Variants in TOGARAM2 observed in about 807,000 individuals in gnomAD.
The protein encoded by TOGARAM2 is TOG array regulator of axonemal microtubules 2, also known as TOG array regulator of axonemal microtubules protein 2.
A neutral mutation model predicts 93.3 loss-of-function variants in TOGARAM2; 85 were observed. That is an observed-to-expected ratio of 0.91 (90% CI 0.76 to 1.09). The LOEUF (loss-of-function observed/expected upper bound fraction) is 1.09. Among genes scored for constraint, TOGARAM2 ranks in the 50% least tolerant of loss-of-function variants. The pLI, the probability that TOGARAM2 is intolerant of heterozygous loss-of-function variation, is 0.00. For missense variants in TOGARAM2, 1,277 were observed against 1,334.5 expected (o/e 0.96, Z 0.67); for synonymous variants, 593 against 552.8 (o/e 1.07, Z -1.02).
chr2:28,997,589 C>T (rs375203761), intron 2 of TOGARAM2, among the ~76,000 whole-genome samples: 2 of 152,092 alleles, frequency 1.3e-5, no homozygotes, highest in Non-Finnish European at 2.9e-5. Context: ...AGCCGAGGGA[C>T]GTTAGGAGAG....
At chr2:28,964,830 T>A (rs1312144537) in intron 1 of TOGARAM2, among the ~76,000 whole-genome samples, 1 of 152,224 alleles carries the variant, frequency 6.6e-6, no homozygotes, top group East Asian at 1.9e-4. Flanking sequence ...CATTCCTTTT[T>A]ATGGCTGCAT....
intron 4 of TOGARAM2, among the ~76,000 whole-genome samples, chr2:29,001,376 T>C (rs1433660876): frequency 6.6e-6 from 1 of 151,904 alleles, no homozygotes; most frequent in Non-Finnish European, 1.5e-5. Context: ...AGAGTCTCGC[T>C]CTGTCACCCA....
intron 1 of TOGARAM2, among the ~76,000 whole-genome samples, chr2:28,993,270 G>C (rs1257045260): frequency 6.6e-6 from 1 of 152,150 alleles, no homozygotes; most frequent in Non-Finnish European, 1.5e-5. Flanking sequence ...TGTATCCTCT[G>C]GTTAGAGATA....
At chr2:29,033,970 T>A (rs1286093961) in intron 16 of TOGARAM2, among the ~76,000 whole-genome samples, 1 of 152,022 alleles carries the variant, frequency 6.6e-6, no homozygotes, top group Non-Finnish European at 1.5e-5. Context: ...AGACATGGAC[T>A]GAGGGGCTGG....
chr2:29,011,070 C>T (rs1201567150), intron 6 of TOGARAM2, among the ~76,000 whole-genome samples: 1 of 152,194 alleles, frequency 6.6e-6, no homozygotes. Flanking sequence ...GAGCTCAGTG[C>T]TGTCTAAGCT....
chr2:28,973,969 T>G (rs1671990658), intron 1 of TOGARAM2, among the ~76,000 whole-genome samples: 1 of 152,180 alleles, frequency 6.6e-6, no homozygotes, highest in Non-Finnish European at 1.5e-5. Flanking sequence ...TTTCAATATT[T>G]GAAAAATCTG....
chr2:29,030,045 A>T (rs1665671034), intron 14 of TOGARAM2, among the ~76,000 whole-genome samples: 1 of 152,232 alleles, frequency 6.6e-6, no homozygotes, highest in Non-Finnish European at 1.5e-5. Flanking sequence ...AACCCAAGGC[A>T]GGTGGATCTC....
chr2:29,001,895 A>G (rs1673323494), intron 4 of TOGARAM2, among the ~76,000 whole-genome samples: 1 of 151,888 alleles, frequency 6.6e-6, no homozygotes, highest in Non-Finnish European at 1.5e-5. Flanking sequence ...ATATTTACAA[A>G]GATAACCCTG....
intron 1 of TOGARAM2, among the ~76,000 whole-genome samples, chr2:28,960,068 C>T (rs1195206406): frequency 6.6e-6 from 1 of 152,172 alleles, no homozygotes; most frequent in Non-Finnish European, 1.5e-5. Flanking sequence ...AAGTAATACG[C>T]TATTGTATTA....
At chr2:29,037,458 A>G (rs1289042422) in intron 18 of TOGARAM2, among the ~76,000 whole-genome samples, 1 of 152,176 alleles carries the variant, frequency 6.6e-6, no homozygotes, top group Non-Finnish European at 1.5e-5. Flanking sequence ...TCTGAAAACC[A>G]CCTGTGTTTG....
chr2:29,009,386 G>C (rs1007192217), intron 6 of TOGARAM2, among the ~76,000 whole-genome samples: 1 of 152,184 alleles, frequency 6.6e-6, no homozygotes, highest in African/African-American at 2.4e-5. Context: ...GGCATCTGCT[G>C]TGACTTAGAA....
intron 19 of TOGARAM2, chr2:29,050,437 G>A (rs907107796): frequency 1.3e-5 from 2 of 152,178 alleles, no homozygotes; most frequent in African/African-American, 2.4e-5. Flanking sequence ...GACAGCATGC[G>A]GTAGAAAGAG....
Position 29,012,176 on chromosome 2 carries a change from G to C in TOGARAM2, c.877+675G>C, listed in dbSNP as rs531891925. 1.1e-4 allele frequency among the ~76,000 whole-genome samples: 17 copies of C among 152,306 alleles called. No individual in the cohort carries two copies. The South Asian group carries it at 1.2e-3, about 11-fold the overall frequency. On this transcript the variant is annotated intron_variant, in intron 7 of 19. Coordinates refer to ENST00000379558, the MANE Select transcript of TOGARAM2 (RefSeq NM_199280.4). The stretch of plus-strand genomic sequence containing the variant: ...GGTGGATGGAAGCTGAGCCTCTGCT[G>C]CAGGGTTGGGGAGCAGAACACCCCG...
rs746258375 is a variant in TOGARAM2, at chr2:29,022,246, G to A, written c.1449G>A (p.Arg483=). The change falls in exon 11 of 20, where the codon AGG becomes AGA. Residue 483 remains arginine (R), a synonymous_variant. Coordinates refer to ENST00000379558, the MANE Select transcript of TOGARAM2 (RefSeq NM_199280.4). ...ATCTTAGAGCCTGTAAGGAGTTGAGGCCTTTCTCGAACCCGGAGCTGGGGC... is the reference window on the plus strand; with the variant it reads ...ATCTTAGAGCCTGTAAGGAGTTGAGACCTTTCTCGAACCCGGAGCTGGGGC... ...EMDLRACKEL[R]PFSNPELGLR... is the part of the protein sequence containing the mutation. 4 of 1,614,038 alleles carry A rather than the reference G, an allele frequency of 2.5e-6. No homozygotes were observed. The South Asian group carries it at 4.4e-5, about 18-fold the overall frequency.
At chr2:29,024,535 G>A (rs2148351551) in intron 13 of TOGARAM2, among the ~76,000 whole-genome samples, 161 bp downstream of exon 13, 1 of 152,266 alleles carries the variant, frequency 6.6e-6, no homozygotes, top group East Asian at 1.9e-4. Flanking sequence ...AGAGGACAGG[G>A]TGATGGGTCA....
At chr2:28,966,445 A>C (rs367943721) in intron 1 of TOGARAM2, among the ~76,000 whole-genome samples, 5 of 151,444 alleles carry the variant, frequency 3.3e-5, no homozygotes, top group South Asian at 2.1e-4. Flanking sequence ...CTACAGGCGC[A>C]CACCACCATG....
At chr2:28,988,132 G>C (rs958959023) in intron 1 of TOGARAM2, among the ~76,000 whole-genome samples, 5 of 152,188 alleles carry the variant, frequency 3.3e-5, no homozygotes, top group Admixed American at 6.5e-5. Context: ...TGGGCTCTAC[G>C]GTAGGCTTGG....
At position 28,981,458 on chromosome 2, in the gene TOGARAM2, G is replaced by A. The variant is rs1308560107; in HGVS notation, c.-191G>A. 1 of 152,426 alleles carries A rather than the reference G, an allele frequency of 6.6e-6. No individual in the cohort carries two copies. Among genetic ancestry groups the A allele is most frequent in the Non-Finnish European group, 1.5e-5 (1 of 68,216 alleles). 9.4% of individuals were successfully genotyped at this position (152,426 alleles called of 1,614,324 possible). Reference sequence around the variant, plus strand: ...GGCTGCCCCGTCCTTGCCTCCCTGGGCCCATGAGCATCAACGTCTCTATAG... The same window carrying A: ...GGCTGCCCCGTCCTTGCCTCCCTGGACCCATGAGCATCAACGTCTCTATAG... On this transcript the variant is annotated 5_prime_UTR_variant, in exon 1 of 20. Coordinates refer to ENST00000379558, the MANE Select transcript of TOGARAM2 (RefSeq NM_199280.4).
Position 29,002,403 on chromosome 2 carries a change from G to T in TOGARAM2, c.428-133G>T, listed in dbSNP as rs907957736. ...CTCAGTCTACCAGTGGTGGGGTTGG[G>T]GACAGATCTGATCTCTCTCCTCGCC... On this transcript the variant is annotated intron_variant, in intron 4 of 19. Coordinates refer to ENST00000379558, the MANE Select transcript of TOGARAM2 (RefSeq NM_199280.4). 15 of 746,786 alleles carry T rather than the reference G, an allele frequency of 2.0e-5. No homozygotes were observed. The Admixed American group carries it at 3.9e-4, about 19-fold the overall frequency. 46.3% of individuals were successfully genotyped at this position (746,786 alleles called of 1,614,324 possible).
Sources: allele counts gnomAD v4.1 joint callset (sites outside exome capture counted in the v4.1 genomes callset), GRCh38; gene constraint gnomAD v4.1.1; transcripts MANE v1.5; gene names NCBI Gene and HGNC (gene_info 2026-07-23, HGNC 2026-07-21).